LRP1: variants seen among roughly 807,000 people sequenced by gnomAD.
LRP1 encodes LDL receptor related protein 1.
Under a neutral mutation model 541.5 loss-of-function variants are expected in LRP1, and 51 were observed. The observed-to-expected ratio is 0.09, with a 90% CI of 0.08 to 0.12. LRP1 has a LOEUF of 0.12. Ranked by LOEUF, LRP1 falls within the 10% of genes least tolerant of loss-of-function variation. The probability of loss-of-function intolerance (pLI) is 1.00; values close to 1 mark genes in which losing one functional copy is unlikely to be tolerated. For synonymous variants in LRP1, 2,219 were observed against 2,470.8 expected (o/e 0.90, Z 3.02); for missense variants, 3,878 against 6,376.2 (o/e 0.61, Z 13.34).
chr12:57,168,838 C>T (rs1181694815), intron 19 of LRP1, among the ~76,000 whole-genome samples: 2 of 152,192 alleles, frequency 1.3e-5, no homozygotes, highest in Admixed American at 6.5e-5. Context: ...GCAAGCAGAC[C>T]CCTGTTCCCA....
In LRP1 at chr12:57,165,900, GACA is replaced by G; in HGVS notation, c.2629_2631del (p.Asn877del). ...CCAGGAGCGCTGGAAGTGTGACGGA[GACA>G]ACGATTGCCTGGACAACAGTGATGA... On this transcript the variant is annotated inframe_deletion, in exon 16 of 89. Coordinates refer to ENST00000243077, the MANE Select transcript of LRP1 (RefSeq NM_002332.3). The surrounding 1 kb of genome is among the most constrained non-coding windows in gnomAD (Gnocchi z 4.5). The G allele has an allele frequency of 6.2e-7, 1 of 1,614,202 alleles. No individual in the cohort carries two copies. The highest frequency in any genetic ancestry group is 8.5e-7 in the Non-Finnish European group (1 of 1,180,046).
chr12:57,138,053 C>G (rs1410729409), intron 1 of LRP1, among the ~76,000 whole-genome samples: 1 of 152,054 alleles, frequency 6.6e-6, no homozygotes, highest in African/African-American at 2.4e-5. Flanking sequence ...CTCGGGGCCT[C>G]TAGTAGTAGG....
intron 34 of LRP1, 92 bp downstream of exon 34, chr12:57,181,383 G>T: frequency 6.8e-7 from 1 of 1,465,540 alleles, no homozygotes; most frequent in Non-Finnish European, 9.1e-7. Flanking sequence ...CTTACCTTGG[G>T]GACAAGACTA....
chr12:57,180,403 C>T lies in LRP1; in HGVS notation c.5310C>T (p.Asn1770=), dbSNP rs768323622. 1.4e-5 allele frequency: 23 copies of T among 1,614,074 alleles called. No homozygotes were observed. The highest frequency in any genetic ancestry group is 1.9e-5 in the Non-Finnish European group (23 of 1,180,054). ...GGAACCATACCATCAACCGCTGCAA[C>T]CTGGATGGGAGTGGGCTGGAGGTCA... is the stretch of plus-strand genomic sequence containing the variant. The part of the protein sequence containing the change: ...SSGNHTINRC[N]LDGSGLEVID... The change falls in exon 32 of 89, where the codon AAC becomes AAT. Residue 1770 remains asparagine, a synonymous_variant. Transcript: ENST00000243077.
At position 57,198,534 on chromosome 12, in the gene LRP1, C is replaced by T. The variant is rs1418923761; in HGVS notation, c.9540C>T (p.Arg3180=). 1 of 1,613,954 alleles carries T rather than the reference C, an allele frequency of 6.2e-7. No homozygotes were observed. Among genetic ancestry groups the T allele is most frequent in the Admixed American group, 1.7e-5 (1 of 59,998 alleles). ...IGRIGMDGSS[R]SVIVDTKITW... ...GCATCGGCATGGATGGGTCCAGCCG[C>T]AGCGTCATCGTGGACACCAAGATCA... Residue 3180 remains arginine, a synonymous_variant, in exon 60 of 89, where the codon CGC becomes CGT. Coordinates refer to ENST00000243077, the MANE Select transcript of LRP1 (RefSeq NM_002332.3).
At position 57,212,810 on chromosome 12, in the gene LRP1, AC is replaced by A; in HGVS notation, c.*257del. 3 of 452,820 alleles carry A rather than the reference AC, an allele frequency of 6.6e-6. No homozygotes were observed. The South Asian group carries it at 8.5e-5, about 13-fold the overall frequency. The allele number at this position is 452,820 out of a possible 1,614,324, so 28.1% of individuals were successfully genotyped here. ...ACAGGCAGGGAGGGCTTGGGGCTGCACCTCCTACCCTCCCACCAGAACGCAC... is the reference window on the plus strand; with the variant it reads ...ACAGGCAGGGAGGGCTTGGGGCTGCACTCCTACCCTCCCACCAGAACGCAC... On this transcript the variant is annotated 3_prime_UTR_variant, in exon 89 of 89. Coordinates refer to ENST00000243077, the MANE Select transcript of LRP1 (RefSeq NM_002332.3). This position sits in a 1 kb window ranked among gnomAD's most constrained non-coding sequence, Gnocchi z 5.0.
rs765660999 is a variant in LRP1, at chr12:57,203,251, C to T, written c.10782C>T (p.Cys3594=). 7.4e-6 allele frequency: 12 copies of T among 1,611,282 alleles called. No homozygotes were observed. The highest frequency in any genetic ancestry group is 1.7e-4 in the Middle Eastern group (1 of 6,054). ...NGRCIAGRWK[C]DGDHDCADGS... ...GCTGCATCGCGGGGCGCTGGAAATG[C>T]GATGGAGACCACGACTGCGCGGACG... Residue 3594 remains cysteine, a synonymous_variant, in exon 69 of 89, where the codon TGC becomes TGT. Coordinates refer to ENST00000243077, the MANE Select transcript of LRP1 (RefSeq NM_002332.3).
In LRP1 at chr12:57,169,289, G is replaced by T; in HGVS notation, c.3145G>T (p.Ala1049Ser). 3 of 1,608,514 alleles carry T rather than the reference G, an allele frequency of 1.9e-6. No individual in the cohort carries two copies. Among genetic ancestry groups the T allele is most frequent in the Non-Finnish European group, 1.7e-6 (2 of 1,175,940 alleles). The change falls in exon 20 of 89, where the codon GCC (alanine) becomes TCC (serine). Residue 1049 changes from alanine (A) to serine (S), a missense_variant. Transcript: ENST00000243077. ...CGGAGACTACAGTGATGAGACACACGCCAACTGCACCAACCAGGGTGGGCA... is the reference window on the plus strand; with the variant it reads ...CGGAGACTACAGTGATGAGACACACTCCAACTGCACCAACCAGGGTGGGCA... ...DCGDYSDETH[A>S]NCTNQATRPP...
At chr12:57,160,286 C>G (rs1315456089) in intron 12 of LRP1, among the ~76,000 whole-genome samples, 1 of 152,132 alleles carries the variant, frequency 6.6e-6, no homozygotes, top group Non-Finnish European at 1.5e-5. Context: ...CCTGCACAGC[C>G]CCACAGTGTC....
At chr12:57,192,773 G>T in intron 44 of LRP1, 72 bp from the exon 45 acceptor site, 1 of 1,593,388 alleles carries the variant, frequency 6.3e-7, no homozygotes, top group East Asian at 2.2e-5. Context: ...TCAGTGAATG[G>T]GTGGGTGCAC....
intron 67 of LRP1, 125 bp downstream of exon 67, chr12:57,202,030 C>G (rs184902792): frequency 1.1e-5 from 14 of 1,275,202 alleles, no homozygotes; most frequent in Non-Finnish European, 1.5e-5. Flanking sequence ...TGCTGGGCTT[C>G]CTGGGCCTGC....
Position 57,177,689 on chromosome 12 carries a change from G to A in LRP1, c.4361+98G>A. On this transcript the variant is annotated intron_variant, in intron 26 of 88. Coordinates refer to ENST00000243077, the MANE Select transcript of LRP1 (RefSeq NM_002332.3). This position sits in a 1 kb window ranked among gnomAD's most constrained non-coding sequence, Gnocchi z 6.8. ...ATGAGGGTGATGAGAAGGACCAAGGGATCTAGAACTAGGAACGGTGGCAAA... is the reference window on the plus strand; with the variant it reads ...ATGAGGGTGATGAGAAGGACCAAGGAATCTAGAACTAGGAACGGTGGCAAA... 1 of 1,379,932 alleles carries A rather than the reference G, an allele frequency of 7.2e-7. No homozygotes were observed. Among genetic ancestry groups the A allele is most frequent in the Non-Finnish European group, 1.0e-6 (1 of 1,003,132 alleles). The allele number at this position is 1,379,932 out of a possible 1,614,324, so 85.5% of individuals were successfully genotyped here.
rs753507004 is a variant in LRP1, at chr12:57,187,390, G to T, written c.6965G>T (p.Arg2322Leu). The T allele has an allele frequency of 1.2e-6, 2 of 1,614,160 alleles. No individual in the cohort carries two copies. The highest frequency in any genetic ancestry group is 1.7e-5 in the Admixed American group (1 of 60,024). ...VDQTRPGAFERETVITMSGDD... is the reference protein window; with the variant it reads ...VDQTRPGAFELETVITMSGDD... Reference sequence around the variant, plus strand: ...CAGACCCGCCCAGGGGCCTTCGAGCGTGAGACCGTCATCACTATGTCTGGA... The same window carrying T: ...CAGACCCGCCCAGGGGCCTTCGAGCTTGAGACCGTCATCACTATGTCTGGA... The change falls in exon 42 of 89, where the codon CGT becomes CTT. Residue 2322 changes from arginine to leucine, a missense_variant. This residue lies in a region of LRP1 where 1,100 missense variants were observed against 1,827.4 expected (regional missense o/e 0.60). Coordinates refer to ENST00000243077, the MANE Select transcript of LRP1 (RefSeq NM_002332.3).
chr12:57,170,718 G>A (rs1443140422), intron 20 of LRP1, among the ~76,000 whole-genome samples: 1 of 152,146 alleles, frequency 6.6e-6, no homozygotes, highest in Non-Finnish European at 1.5e-5. Context: ...CTACTCAGAA[G>A]GCTGAGGTGA....
intron 68 of LRP1, chr12:57,202,919 A>T: frequency 1.8e-6 from 1 of 553,470 alleles, no homozygotes; most frequent in Non-Finnish European, 3.2e-6. Flanking sequence ...CCCCTCCCCA[A>T]ACACAGTCTG....
rs773908015 is a variant in LRP1, at chr12:57,169,332, G to A, written c.3163+25G>A. On this transcript the variant is annotated intron_variant, in intron 20 of 88. Transcript: ENST00000243077. Reference sequence around the variant, plus strand: ...GGTGGGCACCAGGGGCCCGTGGGGTGGGGATGAGATCGAGCCCCCTGCATC... The same window carrying A: ...GGTGGGCACCAGGGGCCCGTGGGGTAGGGATGAGATCGAGCCCCCTGCATC... 7 of 1,586,254 alleles carry A rather than the reference G, an allele frequency of 4.4e-6. No individual in the cohort carries two copies. In the South Asian group the frequency reaches 4.5e-5, roughly 10 times the overall value.
In LRP1 at chr12:57,177,740, G is replaced by A. The variant is rs1314743203; in HGVS notation, c.4361+149G>A. On this transcript the variant is annotated intron_variant, in intron 26 of 88. Coordinates refer to ENST00000243077, the MANE Select transcript of LRP1 (RefSeq NM_002332.3). The surrounding 1 kb of genome is among the most constrained non-coding windows in gnomAD (Gnocchi z 6.8). ...GGACTGGGCACAGGAGGAGGAGGAC[G>A]GAGGGGCGTGGGGAGGCCAGGGCCG... The A allele has an allele frequency of 2.7e-5, 26 of 967,278 alleles. No individual in the cohort carries two copies. The highest frequency in any genetic ancestry group is 2.4e-4 in the Middle Eastern group (1 of 4,172). 59.9% of individuals were successfully genotyped at this position (967,278 alleles called of 1,614,324 possible).
At position 57,185,452 on chromosome 12, in the gene LRP1, C is replaced by T. The variant is rs558823833; in HGVS notation, c.6464-79C>T. ...ATACCGAGGCAGAGGGCAGAGCTTT[C>T]GCCAAAGCCTGGATGACAAAGGCAC... On this transcript the variant is annotated intron_variant, in intron 40 of 88. Coordinates refer to ENST00000243077, the MANE Select transcript of LRP1 (RefSeq NM_002332.3). This position sits in a 1 kb window ranked among gnomAD's most constrained non-coding sequence, Gnocchi z 4.9. The T allele has an allele frequency of 1.6e-5, 24 of 1,491,164 alleles. No individual in the cohort carries two copies. Among genetic ancestry groups the T allele is most frequent in the African/African-American group, 1.5e-4 (11 of 71,634 alleles). 92.4% of individuals were successfully genotyped at this position (1,491,164 alleles called of 1,614,324 possible). A position where few individuals can be genotyped will look rare whatever the true frequency, so the allele number is the denominator to read the frequency against.
Position 57,183,526 on chromosome 12 carries a change from G to A in LRP1, c.5794+16G>A. The A allele has an allele frequency of 1.2e-6, 2 of 1,610,668 alleles. No individual in the cohort carries two copies. The highest frequency in any genetic ancestry group is 1.7e-5 in the Admixed American group (1 of 59,822). ...TTCCACGCTGGTGAGCCATTTGGTG[G>A]CAGAGGGAGTTGGGCGTGGCGTAGG... On this transcript the variant is annotated intron_variant, in intron 35 of 88. Coordinates refer to ENST00000243077, the MANE Select transcript of LRP1 (RefSeq NM_002332.3). This position sits in a 1 kb window ranked among gnomAD's most constrained non-coding sequence, Gnocchi z 6.1.
Sources: allele counts gnomAD v4.1 joint callset (sites outside exome capture counted in the v4.1 genomes callset), GRCh38; gene constraint gnomAD v4.1.1; regional missense constraint gnomAD v4.1.1; non-coding constraint Gnocchi (gnomAD v3.1); transcripts MANE v1.5; gene names NCBI Gene and HGNC (gene_info 2026-07-23, HGNC 2026-07-21).